Variants in BMS1 observed in about 807,000 individuals in gnomAD.
BMS1 encodes the protein ribosome biogenesis protein BMS1 homolog.
In BMS1, 53 loss-of-function variants were observed where a neutral mutation model predicts 138.7. The observed-to-expected ratio is 0.38, with a 90% CI of 0.31 to 0.48. BMS1 has a LOEUF of 0.48. BMS1 is among the 20% of genes least tolerant of loss of function. BMS1 has a pLI of 0.97. For synonymous variants in BMS1, 504 were observed against 539.9 expected, an observed-to-expected ratio of 0.93 and a Z score of 0.92; for missense variants, 1,360 against 1,565.5, an observed-to-expected ratio of 0.87 and a Z score of 2.22.
rs530949819 is a variant in BMS1, at chr10:42,834,579, C to T, written c.*3483C>T. ...TAAAGTATTGTACATTTTTATAATCCTTTAACAAGACAAAAGGTTGAGATG... is the reference window on the plus strand; with the variant it reads ...TAAAGTATTGTACATTTTTATAATCTTTTAACAAGACAAAAGGTTGAGATG... On this transcript the variant is annotated 3_prime_UTR_variant, in exon 23 of 23. Coordinates refer to ENST00000374518, the MANE Select transcript of BMS1 (RefSeq NM_014753.4). 1 of 152,070 alleles carries T rather than the reference C, an allele frequency of 6.6e-6. No homozygotes were observed. The highest frequency in any genetic ancestry group is 2.1e-4 in the South Asian group (1 of 4,806). The allele number at this position is 152,070 out of a possible 1,614,324, so 9.4% of individuals were successfully genotyped here.
chr10:42,785,374 T>C (rs1184802164), intron 2 of BMS1, 108 bp from the exon 3 acceptor site: 2 of 866,532 alleles, frequency 2.3e-6, no homozygotes, highest in Non-Finnish European at 3.4e-6. Flanking sequence ...GCTAAAGTAC[T>C]CATAGCTATA....
In BMS1 at chr10:42,832,307, TC is replaced by T. The variant is rs1842815197; in HGVS notation, c.*1213del. On this transcript the variant is annotated 3_prime_UTR_variant, in exon 23 of 23. Coordinates refer to ENST00000374518, the MANE Select transcript of BMS1 (RefSeq NM_014753.4). ...GGTGTGGTGGGTGCACACCTGTAGT[TC>T]CAGCTGCTTGGGAGGCTGAGGTAGG... 3 of 151,944 alleles carry T rather than the reference TC, an allele frequency of 2.0e-5. No homozygotes were observed. The highest frequency in any genetic ancestry group is 7.3e-5 in the African/African-American group (3 of 41,364). 9.4% of individuals were successfully genotyped at this position (151,944 alleles called of 1,614,324 possible).
chr10:42,788,316 T>C (rs555476962), intron 4 of BMS1, among the ~76,000 whole-genome samples: 30 of 152,314 alleles, frequency 2.0e-4, no homozygotes, highest in Admixed American at 1.8e-3. Context: ...CTTCTAATTT[T>C]AAAGACATAC....
In BMS1 at chr10:42,812,498, G is replaced by A. The variant is rs535162034; in HGVS notation, c.2330-4101G>A. On this transcript the variant is annotated intron_variant, in intron 13 of 22. Coordinates refer to ENST00000374518, the MANE Select transcript of BMS1 (RefSeq NM_014753.4). ...TGTTGAAGTAGATGTCTTCTTGGTG[G>A]GTTAATCCTTTTGTCATTAAGCAGA... 1.4e-3 allele frequency among the ~76,000 whole-genome samples: 212 copies of A among 152,260 alleles called. 1 individual carries two copies. The highest frequency in any genetic ancestry group is 2.6e-3 in the Non-Finnish European group (177 of 68,018).
intron 13 of BMS1, among the ~76,000 whole-genome samples, chr10:42,815,364 T>G (rs1842316512): frequency 6.6e-6 from 1 of 152,188 alleles, no homozygotes; most frequent in Non-Finnish European, 1.5e-5. Flanking sequence ...TATTAAAGCT[T>G]TTCTTCTTTT....
At position 42,784,495 on chromosome 10, in the gene BMS1, A is replaced by G. The variant is rs1411921602; in HGVS notation, c.101A>G (p.Glu34Gly). The change falls in exon 2 of 23, where the codon GAA (glutamate) becomes GGA (glycine). Residue 34 changes from glutamate to glycine, a missense_variant. Coordinates refer to ENST00000374518, the MANE Select transcript of BMS1 (RefSeq NM_014753.4). ...CTGCAGGATCTCCAGCTAGGAGACG[A>G]AGAAGATGCCCGGAAGAGAAATCCC... ...RLLQDLQLGD[E>G]EDARKRNPKA... 2 of 1,614,000 alleles carry G rather than the reference A, an allele frequency of 1.2e-6. No individual in the cohort carries two copies. Among genetic ancestry groups the G allele is most frequent in the Non-Finnish European group, 1.7e-6 (2 of 1,179,874 alleles).
intron 13 of BMS1, among the ~76,000 whole-genome samples, chr10:42,805,777 T>A (rs1433014004): frequency 6.6e-6 from 1 of 152,180 alleles, no homozygotes; most frequent in Non-Finnish European, 1.5e-5. Flanking sequence ...ATTGATCTTA[T>A]ATCCTGCAAT....
chr10:42,791,556 G>C, intron 5 of BMS1, 71 bp from the exon 6 acceptor site: 2 of 1,417,912 alleles, frequency 1.4e-6, no homozygotes, highest in Non-Finnish European at 9.5e-7. Flanking sequence ...CTTGTTTAGA[G>C]CTTTTATTTT....
chr10:42,786,340 G>A (rs28561525), intron 3 of BMS1, among the ~76,000 whole-genome samples: 2 of 152,200 alleles, frequency 1.3e-5, no homozygotes, highest in African/African-American at 4.8e-5. Flanking sequence ...TGGTAGAATG[G>A]CAATGTACAC....
chr10:42,826,419 T>G (rs1180284392), intron 21 of BMS1, among the ~76,000 whole-genome samples: 6 of 152,076 alleles, frequency 3.9e-5, no homozygotes, highest in African/African-American at 1.4e-4. Flanking sequence ...GGGAGTGACA[T>G]AATAGTGACT....
intron 13 of BMS1, among the ~76,000 whole-genome samples, chr10:42,812,190 C>T (rs78636740): frequency 7.2e-5 from 11 of 152,312 alleles, no homozygotes; most frequent in African/African-American, 2.2e-4. Flanking sequence ...CTGTCACTTA[C>T]GCTAGAGTGC....
At chr10:42,811,176 G>A (rs1312864521) in intron 13 of BMS1, among the ~76,000 whole-genome samples, 2 of 151,892 alleles carry the variant, frequency 1.3e-5, no homozygotes, top group Non-Finnish European at 1.5e-5. Flanking sequence ...CAAGTAGCTG[G>A]GATTACAGGC....
intron 21 of BMS1, among the ~76,000 whole-genome samples, chr10:42,829,961 G>A (rs536465812): frequency 6.6e-6 from 1 of 152,186 alleles, no homozygotes; most frequent in African/African-American, 2.4e-5. Flanking sequence ...AAGAAACTGG[G>A]ATCTATTCAT....
intron 21 of BMS1, among the ~76,000 whole-genome samples, chr10:42,824,286 CCATTTCCTATTGGT>C: frequency 6.6e-6 from 1 of 152,328 alleles, no homozygotes; most frequent in South Asian, 2.1e-4. Flanking sequence ...ATACATCTCC[CCATTTCCTATTGGT>C]CATTTCCTAT....
chr10:42,783,352 C>T (rs886207308), intron 1 of BMS1, among the ~76,000 whole-genome samples: 11 of 152,200 alleles, frequency 7.2e-5, no homozygotes, highest in Non-Finnish European at 1.5e-4. Flanking sequence ...CTCTGACTCA[C>T]CTCCGTGCTC....
At chr10:42,822,925 TG>T (rs1202680273) in intron 19 of BMS1, among the ~76,000 whole-genome samples, 192 bp from the exon 20 acceptor site, 1 of 152,218 alleles carries the variant, frequency 6.6e-6, no homozygotes, top group Non-Finnish European at 1.5e-5. Flanking sequence ...ATGATTATTT[TG>T]GGGAAAATGA....
chr10:42,829,836 A>T (rs1842752173), intron 21 of BMS1, among the ~76,000 whole-genome samples: 1 of 123,074 alleles, frequency 8.1e-6, no homozygotes, highest in Non-Finnish European at 1.6e-5. Flanking sequence ...AACAAAACAA[A>T]ACAAAAAAAA....
intron 8 of BMS1, 34 bp downstream of exon 8, chr10:42,793,178 T>G (rs9422671): frequency 0.072 from 109,973 of 1,534,538 alleles, 4,345 homozygotes; most frequent in East Asian, 0.13. Flanking sequence ...TCTCTGAACT[T>G]TCAGTATTCT....
At chr10:42,814,162 C>T (rs1842268087) in intron 13 of BMS1, among the ~76,000 whole-genome samples, 1 of 152,180 alleles carries the variant, frequency 6.6e-6, no homozygotes, top group African/African-American at 2.4e-5. Context: ...TGGGAAGCGT[C>T]AGGAATTAGT....
Sources: gnomAD v4.1 joint callset for allele counts (sites outside exome capture counted in the v4.1 genomes callset) on GRCh38, gnomAD v4.1.1 for gene constraint, MANE v1.5 for transcripts, NCBI Gene and HGNC (gene_info 2026-07-23, HGNC 2026-07-21) for gene names.